ASH1L: variants seen among roughly 807,000 people sequenced by gnomAD.
ASH1L encodes the protein ASH1 like histone lysine methyltransferase, also known as histone-lysine N-methyltransferase ASH1L.
Under a neutral mutation model 269.0 loss-of-function variants are expected in ASH1L, and 23 were observed. That is an observed-to-expected ratio of 0.09 (90% CI 0.06 to 0.12). The LOEUF is 0.12. Ranked by LOEUF, ASH1L falls within the 10% of genes least tolerant of loss-of-function variation. ASH1L has a pLI of 1.00. For synonymous variants in ASH1L, 1,187 were observed against 1,253.5 expected, an observed-to-expected ratio of 0.95 and a Z score of 1.12; for missense variants, 2,912 against 3,567.8, an observed-to-expected ratio of 0.82 and a Z score of 4.68.
intron 2 of ASH1L, among the ~76,000 whole-genome samples, chr1:155,493,408 T>A (rs1666941081): frequency 6.6e-6 from 1 of 152,224 alleles, no homozygotes; most frequent in Non-Finnish European, 1.5e-5. Flanking sequence ...TCTATATAAA[T>A]CCTAAACATG....
chr1:155,487,493 A>C (rs1666408436), intron 2 of ASH1L, among the ~76,000 whole-genome samples: 1 of 151,988 alleles, frequency 6.6e-6, no homozygotes, highest in African/African-American at 2.4e-5. Context: ...TCAGCCTCCC[A>C]AGTCTGGGAC....
chr1:155,459,627 A>G (rs1311097300), intron 4 of ASH1L, among the ~76,000 whole-genome samples, 170 bp downstream of exon 4: 2 of 152,232 alleles, frequency 1.3e-5, no homozygotes, highest in Admixed American at 6.5e-5. Flanking sequence ...TTCAATGTAC[A>G]TTACTGATTC....
intron 5 of ASH1L, among the ~76,000 whole-genome samples, chr1:155,422,303 A>ATTTTT (rs757564991): frequency 8.3e-6 from 1 of 120,930 alleles, no homozygotes; most frequent in Non-Finnish European, 1.7e-5. Context: ...CGCCCAGCTA[A>ATTTTT]TTTTTTTTTT....
chr1:155,349,675 T>C, intron 17 of ASH1L, 79 bp from the exon 18 acceptor site: 2 of 940,974 alleles, frequency 2.1e-6, no homozygotes, highest in Non-Finnish European at 3.2e-6. Context: ...AAGAATAGAA[T>C]CCCTCAAATT....
At chr1:155,452,528 C>T (rs1663560713) in intron 4 of ASH1L, among the ~76,000 whole-genome samples, 1 of 149,420 alleles carries the variant, frequency 6.7e-6, no homozygotes, top group South Asian at 2.1e-4. Flanking sequence ...TCCAGAGATA[C>T]TTTAGCCCTG....
chr1:155,501,919 C>G (rs1198064229), intron 2 of ASH1L, among the ~76,000 whole-genome samples: 2 of 151,962 alleles, frequency 1.3e-5, no homozygotes, highest in South Asian at 4.1e-4. Flanking sequence ...CCTCAACCTC[C>G]CAAAATGCTG....
At chr1:155,417,033 G>GC (rs1660275192) in intron 5 of ASH1L, among the ~76,000 whole-genome samples, 2 of 151,068 alleles carry the variant, frequency 1.3e-5, no homozygotes, top group African/African-American at 4.9e-5. Flanking sequence ...CTGGGTTCAA[G>GC]AGATTCTCCT....
chr1:155,555,013 T>C (rs1671487357), intron 1 of ASH1L, among the ~76,000 whole-genome samples: 1 of 149,790 alleles, frequency 6.7e-6, no homozygotes, highest in African/African-American at 2.5e-5. Context: ...CATGGTGGCA[T>C]ACACCAGTAG....
chr1:155,355,378 A>G (rs185863306), intron 15 of ASH1L, among the ~76,000 whole-genome samples: 8 of 152,346 alleles, frequency 5.3e-5, no homozygotes, highest in Admixed American at 4.6e-4. Context: ...ACTTAAATGA[A>G]TTATGTGTAT....
At chr1:155,493,388 G>T (rs933886364) in intron 2 of ASH1L, among the ~76,000 whole-genome samples, 3 of 151,732 alleles carry the variant, frequency 2.0e-5, no homozygotes, top group African/African-American at 7.3e-5. Flanking sequence ...CGTGTTTCTG[G>T]GTATTTATAT....
intron 1 of ASH1L, among the ~76,000 whole-genome samples, chr1:155,543,440 G>T (rs1267263037): frequency 6.8e-6 from 1 of 146,122 alleles, no homozygotes; most frequent in Non-Finnish European, 1.5e-5. Context: ...AACCCAGGAG[G>T]CAGAGGTTGC....
chr1:155,433,563 A>G (rs748293954), intron 5 of ASH1L: 3 of 1,610,924 alleles, frequency 1.9e-6, no homozygotes, highest in African/African-American at 2.7e-5. Context: ...GAGAAGGAGA[A>G]GCTGGAGCAA....
intron 12 of ASH1L, among the ~76,000 whole-genome samples, chr1:155,360,980 C>T (rs1654891201): frequency 6.6e-6 from 1 of 152,058 alleles, no homozygotes; most frequent in Non-Finnish European, 1.5e-5. Flanking sequence ...GTAGCTCACG[C>T]CTGTAATCCC....
intron 4 of ASH1L, among the ~76,000 whole-genome samples, chr1:155,452,977 G>C (rs1384251760): frequency 2.6e-5 from 4 of 152,166 alleles, no homozygotes; most frequent in African/African-American, 9.7e-5. Flanking sequence ...CAACTCCCTA[G>C]TTTTTCTTAG....
intron 2 of ASH1L, among the ~76,000 whole-genome samples, chr1:155,504,187 C>T (rs1453151132): frequency 6.6e-6 from 1 of 152,130 alleles, no homozygotes; most frequent in Non-Finnish European, 1.5e-5. Context: ...TTTTCCCTTT[C>T]TTCTTGGAAG....
chr1:155,371,972 G>A (rs1655993596), intron 10 of ASH1L, among the ~76,000 whole-genome samples: 1 of 151,668 alleles, frequency 6.6e-6, no homozygotes. Flanking sequence ...AGGATTACAA[G>A]CTTGTGAACC....
At chr1:155,472,627 AACAGTGAGG>A (rs1047960098) in intron 3 of ASH1L, among the ~76,000 whole-genome samples, 2 of 152,312 alleles carry the variant, frequency 1.3e-5, no homozygotes, top group African/African-American at 4.8e-5. Flanking sequence ...CACAACAGAA[AACAGTGAGG>A]ACTGTGGCGA....
intron 7 of ASH1L, among the ~76,000 whole-genome samples, chr1:155,382,417 G>A (rs1200632687): frequency 6.6e-6 from 1 of 152,140 alleles, no homozygotes; most frequent in Admixed American, 6.6e-5. Flanking sequence ...AGAATGGTGT[G>A]AACCCAGGAG....
In ASH1L at chr1:155,438,899, G is replaced by A. The variant is rs1662321392; in HGVS notation, c.5256C>T (p.Ser1752=). The A allele has an allele frequency of 1.9e-6, 3 of 1,614,138 alleles. No homozygotes were observed. The highest frequency in any genetic ancestry group is 2.5e-6 in the Non-Finnish European group (3 of 1,180,026). ...TTCCCAGGGTTCGGTCCTTGCTGTG[G>A]CTACGGCCTGGACTGGAAGAAGGTG... The part of the protein sequence containing the change: ...SAPPSSSPGR[S]HSKDRTLGKP... The change falls in exon 5 of 28, where the codon AGC becomes AGT. Residue 1752 remains serine (S), a synonymous_variant. Transcript: ENST00000392403.
Sources: gnomAD v4.1 joint callset for allele counts (sites outside exome capture counted in the v4.1 genomes callset) on GRCh38, gnomAD v4.1.1 for gene constraint, MANE v1.5 for transcripts, NCBI Gene and HGNC (gene_info 2026-07-23, HGNC 2026-07-21) for gene names.